The following BAIAP2L1 variants were observed in gnomAD, a reference collection of about 807,000 sequenced individuals.
BAIAP2L1 encodes BAR/IMD domain containing adaptor protein 2 like 1.
Under a neutral mutation model 66.3 loss-of-function variants are expected in BAIAP2L1, and 35 were observed. The ratio of observed to expected loss-of-function variants is 0.53; its 90% confidence interval spans 0.40 to 0.70. The LOEUF (loss-of-function observed/expected upper bound fraction) is 0.70, where lower values mean the gene tolerates loss of function less well. BAIAP2L1 is among the 30% of genes least tolerant of loss of function. The pLI, the probability that BAIAP2L1 is intolerant of heterozygous loss-of-function variation, is 0.00. For missense variants in BAIAP2L1, 622 were observed against 656.9 expected (o/e 0.95, Z 0.58); for synonymous variants, 269 against 248.7 (o/e 1.08, Z -0.77).
intron 3 of BAIAP2L1, among the ~76,000 whole-genome samples, chr7:98,323,862 A>C (rs969702340): frequency 1.3e-5 from 2 of 152,248 alleles, no homozygotes; most frequent in Non-Finnish European, 1.5e-5. Context: ...CCGAAAGAGT[A>C]TCTTGAAGCG....
At chr7:98,346,188 A>G (rs1383654164) in intron 3 of BAIAP2L1, among the ~76,000 whole-genome samples, 1 of 152,224 alleles carries the variant, frequency 6.6e-6, no homozygotes, top group Non-Finnish European at 1.5e-5. Context: ...TCAGAAAAGA[A>G]CTAAATAGGA....
At chr7:98,388,987 A>AAAC (rs1554341307) in intron 1 of BAIAP2L1, among the ~76,000 whole-genome samples, 26 of 150,320 alleles carry the variant, frequency 1.7e-4, no homozygotes, top group Non-Finnish European at 2.8e-4. Flanking sequence ...AAAAAAAACA[A>AAAC]AAAACAAACC....
chr7:98,354,737 C>T (rs369521891), intron 3 of BAIAP2L1, among the ~76,000 whole-genome samples: 48 of 152,252 alleles, frequency 3.2e-4, no homozygotes, highest in Non-Finnish European at 4.1e-4. Flanking sequence ...AGGCCCGGCT[C>T]GCCCATCAGG....
Position 98,400,902 on chromosome 7 carries a change from T to C in BAIAP2L1, c.-50A>G. ...CGCGGGAGGACGCGGCTGGGCCTCG[T>C]GGCCGCCGGACTCCGGGCAGCGGGA... On this transcript the variant is annotated 5_prime_UTR_variant, in exon 1 of 14. Coordinates refer to ENST00000005260, the MANE Select transcript of BAIAP2L1 (RefSeq NM_018842.5). 1 of 1,495,624 alleles carries C rather than the reference T, an allele frequency of 6.7e-7. No homozygotes were observed. Among genetic ancestry groups the C allele is most frequent in the East Asian group, 2.8e-5 (1 of 36,264 alleles). 92.6% of individuals were successfully genotyped at this position (1,495,624 alleles called of 1,614,324 possible).
At chr7:98,394,610 G>C (rs1291445053) in intron 1 of BAIAP2L1, among the ~76,000 whole-genome samples, 1 of 152,170 alleles carries the variant, frequency 6.6e-6, no homozygotes, top group Non-Finnish European at 1.5e-5. Context: ...AAGAGCAACT[G>C]GAACTCTCAT....
chr7:98,384,908 A>T (rs1802851707), intron 1 of BAIAP2L1, among the ~76,000 whole-genome samples: 2 of 152,102 alleles, frequency 1.3e-5, no homozygotes, highest in Admixed American at 6.6e-5. Flanking sequence ...CATGTTGGCC[A>T]GGCTGGTGCT....
intron 3 of BAIAP2L1, among the ~76,000 whole-genome samples, chr7:98,329,534 G>C (rs980789982): frequency 2.0e-5 from 3 of 152,078 alleles, no homozygotes; most frequent in African/African-American, 7.2e-5. Flanking sequence ...TTCTGGTAGA[G>C]GGGGTGGGAG....
intron 3 of BAIAP2L1, among the ~76,000 whole-genome samples, chr7:98,340,794 T>G (rs77127008): frequency 2.1e-5 from 1 of 48,670 alleles, no homozygotes; most frequent in Admixed American, 2.1e-4. Flanking sequence ...CTCTTACAGG[T>G]TTTTTTTTTT....
At chr7:98,310,131 G>A (rs1417677950) in intron 9 of BAIAP2L1, 24 of 245,346 alleles carry the variant, frequency 9.8e-5, no homozygotes, top group South Asian at 9.7e-5. Flanking sequence ...GATTACAGGC[G>A]TGAGCCACCG....
chr7:98,294,831 G>A (rs911177964), intron 12 of BAIAP2L1, among the ~76,000 whole-genome samples: 6 of 152,220 alleles, frequency 3.9e-5, no homozygotes, highest in Non-Finnish European at 7.3e-5. Flanking sequence ...GAACCAAAGT[G>A]CAAAGGTGCC....
At chr7:98,329,181 G>A (rs940963156) in intron 3 of BAIAP2L1, among the ~76,000 whole-genome samples, 3 of 152,084 alleles carry the variant, frequency 2.0e-5, no homozygotes, top group Non-Finnish European at 4.4e-5. Flanking sequence ...CTTATAATAA[G>A]AAAAAGCTAA....
intron 1 of BAIAP2L1, among the ~76,000 whole-genome samples, chr7:98,379,262 G>C (rs1414372586): frequency 6.6e-6 from 1 of 152,158 alleles, no homozygotes; most frequent in Admixed American, 6.6e-5. Flanking sequence ...GCCTCACAGT[G>C]TTCTCAGCAG....
rs55633908 is a variant in BAIAP2L1, at chr7:98,377,819, CAAAAA to C, written c.52-15392_52-15388del. On this transcript the variant is annotated intron_variant, in intron 1 of 13. Transcript: ENST00000005260. ...TGGGCGACAGAGTGAGACTCAATCTCAAAAAAAAAAAAAAAAAAAAAAAAAAGGCC... is the reference window on the plus strand; with the variant it reads ...TGGGCGACAGAGTGAGACTCAATCTCAAAAAAAAAAAAAAAAAAAAAGGCC... 1.1e-3 allele frequency among the ~76,000 whole-genome samples: 46 copies of C among 40,776 alleles called. 1 individual carries two copies. In the South Asian group the frequency reaches 0.062, roughly 55 times the overall value. The allele number at this position is 40,776 out of a possible 152,430, so 26.8% of individuals were successfully genotyped here. A position where few individuals can be genotyped will look rare whatever the true frequency, so the allele number is the denominator to read the frequency against.
At chr7:98,384,448 C>T (rs1393758765) in intron 1 of BAIAP2L1, among the ~76,000 whole-genome samples, 3 of 152,080 alleles carry the variant, frequency 2.0e-5, no homozygotes, top group East Asian at 1.9e-4. Context: ...TGCCTAGTTA[C>T]TGTTTTTAAA....
intron 1 of BAIAP2L1, among the ~76,000 whole-genome samples, chr7:98,364,986 C>CAAAGAA (rs1802359169): frequency 3.2e-5 from 1 of 30,780 alleles, no homozygotes; most frequent in Non-Finnish European, 5.4e-5. Context: ...GGATATGTCT[C>CAAAGAA]AAAAAAAAAA....
intron 1 of BAIAP2L1, among the ~76,000 whole-genome samples, chr7:98,366,939 T>G (rs192249821): frequency 2.2e-4 from 33 of 152,306 alleles, no homozygotes; most frequent in African/African-American, 6.5e-4. Context: ...TCACACAGGC[T>G]GGCGTGCAGT....
At chr7:98,367,516 G>A (rs1274839072) in intron 1 of BAIAP2L1, among the ~76,000 whole-genome samples, 9 of 145,510 alleles carry the variant, frequency 6.2e-5, no homozygotes, top group African/African-American at 1.0e-4. Context: ...GATTATAGGC[G>A]CGCACCACCA....
chr7:98,294,872 C>T (rs541365699), intron 12 of BAIAP2L1, among the ~76,000 whole-genome samples: 4 of 152,310 alleles, frequency 2.6e-5, no homozygotes, highest in South Asian at 2.1e-4. Context: ...CAACTCCTTC[C>T]AGCACCTGCC....
intron 12 of BAIAP2L1, among the ~76,000 whole-genome samples, chr7:98,297,406 C>A (rs889623491): frequency 4.6e-5 from 7 of 152,164 alleles, no homozygotes; most frequent in Admixed American, 2.0e-4. Flanking sequence ...TTCCCTTGGG[C>A]TGCAGCAGAG....
Sources: allele counts gnomAD v4.1 joint callset (sites outside exome capture counted in the v4.1 genomes callset), GRCh38; gene constraint gnomAD v4.1.1; transcripts MANE v1.5; gene names NCBI Gene and HGNC (gene_info 2026-07-23, HGNC 2026-07-21).